The following PIGQ variants were observed in gnomAD, a reference collection of about 807,000 sequenced individuals.
PIGQ encodes phosphatidylinositol glycan anchor biosynthesis class Q.
Under a neutral mutation model 60.3 loss-of-function variants are expected in PIGQ, and 54 were observed. The ratio of observed to expected loss-of-function variants is 0.90; its 90% CI spans 0.72 to 1.12. The LOEUF is 1.12. PIGQ is among the 50% of genes most tolerant of loss of function. The probability of loss-of-function intolerance (pLI) is 0.00; values close to 1 mark genes in which losing one functional copy is unlikely to be tolerated. For missense variants in PIGQ, 799 were observed against 793.5 expected (o/e 1.01, Z -0.08); for synonymous variants, 416 against 363.7 (o/e 1.14, Z -1.64).
Position 579,143 on chromosome 16 carries a change from G to C in PIGQ, c.1298G>C (p.Arg433Pro), listed in dbSNP as rs368929328. 1 of 1,612,954 alleles carries C rather than the reference G, an allele frequency of 6.2e-7. No homozygotes were observed. The highest frequency in any genetic ancestry group is 1.1e-5 in the South Asian group (1 of 91,086). The change falls in exon 7 of 11, where the codon CGC becomes CCC. Residue 433 changes from arginine to proline, a missense_variant. Coordinates refer to ENST00000321878, the MANE Select transcript of PIGQ (RefSeq NM_004204.5). ...CGGGGGAAGAAGTGGAACGTTCTGC[G>C]CCAGCGCGTGGACTCCTGTTCCTAT... ...LFRGKKWNVLRQRVDSCSYDL... is the reference protein window; with the variant it reads ...LFRGKKWNVLPQRVDSCSYDL...
rs368848682 is a variant in PIGQ at position 576,005 on chromosome 16, G to A, written c.821+35G>A. 8 of 1,563,352 alleles carry A rather than the reference G, an allele frequency of 5.1e-6. No individual in the cohort carries two copies. In the African/African-American group the frequency reaches 8.1e-5, roughly 16 times the overall value. ...TGCCCTGGTCTCTGCAGGGCTGGGTGCGTGCCCTCTGGCCCCTTCTCCATC... is the reference window on the plus strand; with the variant it reads ...TGCCCTGGTCTCTGCAGGGCTGGGTACGTGCCCTCTGGCCCCTTCTCCATC... On this transcript the variant is annotated intron_variant, in intron 3 of 10. Transcript: ENST00000321878.
chr16:580,456 C>A (rs2035793334), intron 8 of PIGQ, 193 bp downstream of exon 8: 2 of 556,488 alleles, frequency 3.6e-6, no homozygotes. Context: ...AGTAAGACAC[C>A]CTCACTGCCC....
At chr16:572,924 G>A (rs956901226) in intron 1 of PIGQ, among the ~76,000 whole-genome samples, 1 of 152,242 alleles carries the variant, frequency 6.6e-6, no homozygotes, top group Non-Finnish European at 1.5e-5. Context: ...AGCGTGGGGG[G>A]TCTCTGCTCA....
chr16:582,079 G>A (rs572530899), intron 9 of PIGQ, 169 bp from the exon 10 acceptor site: 2 of 687,040 alleles, frequency 2.9e-6, no homozygotes, highest in African/African-American at 1.8e-5. Context: ...ATGCCGGCCT[G>A]GCAGCCAGCT....
At position 576,255 on chromosome 16, in the gene PIGQ, G is replaced by C. The variant is rs200661329; in HGVS notation, c.942+1G>C. 5.1e-6 allele frequency: 8 copies of C among 1,555,274 alleles called. No homozygotes were observed. The African/African-American group carries it at 9.5e-5, about 19-fold the overall frequency. On this transcript the variant is annotated splice_donor_variant, in intron 4 of 10. Transcript: ENST00000321878. LOFTEE classifies it high-confidence loss of function. The stretch of plus-strand genomic sequence containing the variant: ...CGACGCCCTCGTTCCTGTGGCTGAC[G>C]TGAGTGGACTGGGGTGGAGCCCGGT...
Position 575,940 on chromosome 16 carries a change from G to A in PIGQ, c.791G>A (p.Arg264Gln), listed in dbSNP as rs372383821. The change falls in exon 3 of 11, where the codon CGG becomes CAG. Residue 264 changes from arginine to glutamine, a missense_variant. By Grantham distance (43) the Arg-to-Gln change is conservative. Coordinates refer to ENST00000321878, the MANE Select transcript of PIGQ (RefSeq NM_004204.5). ...LEHLTLIFSTRKAENPAQLMR... is the reference protein window; with the variant it reads ...LEHLTLIFSTQKAENPAQLMR... ...CACCTCACGCTAATCTTCAGTACAC[G>A]GAAGGCGGAGAACCCTGCCCAGCTG... 5.7e-6 allele frequency: 9 copies of A among 1,585,124 alleles called. No individual in the cohort carries two copies. The highest frequency in any genetic ancestry group is 4.0e-5 in the African/African-American group (3 of 74,538).
At chr16:580,728 G>T in intron 8 of PIGQ, 130 bp from the exon 9 acceptor site, 1 of 691,220 alleles carries the variant, frequency 1.4e-6, no homozygotes, top group Admixed American at 2.1e-5. Context: ...CCCTGCTCAG[G>T]GTGGGGTCCC....
At position 579,119 on chromosome 16, in the gene PIGQ, G is replaced by T. The variant is rs202031540; in HGVS notation, c.1274G>T (p.Arg425Leu). ...CTGTCCTCACTGTGGCGTCTGTTCC[G>T]GGGGAAGAAGTGGAACGTTCTGCGC... The part of the protein sequence containing the change: ...HGLSSLWRLF[R>L]GKKWNVLRQR... The change falls in exon 7 of 11, where the codon CGG becomes CTG. Residue 425 changes from arginine (R) to leucine (L), a missense_variant. By Grantham distance (102) the Arg-to-Leu change is moderately radical. Transcript: ENST00000321878. 3.5e-4 allele frequency: 568 copies of T among 1,612,870 alleles called. No individual in the cohort carries two copies. Among genetic ancestry groups the T allele is most frequent in the Non-Finnish European group, 2.2e-4 (256 of 1,179,794 alleles).
chr16:580,609 G>A (rs2035795049), intron 8 of PIGQ: 3 of 561,766 alleles, frequency 5.3e-6, no homozygotes, highest in Non-Finnish European at 9.6e-6. Context: ...CCCAGGCCTC[G>A]ATCCCCTCTG....
At position 582,230 on chromosome 16, in the gene PIGQ, C is replaced by T. The variant is rs754659656; in HGVS notation, c.1532-18C>T. The T allele has an allele frequency of 6.3e-6, 10 of 1,583,304 alleles. No individual in the cohort carries two copies. Among genetic ancestry groups the T allele is most frequent in the African/African-American group, 2.7e-5 (2 of 74,342 alleles). ...AGCCCCCACGCGTCCCCTCGTCAGC[C>T]GCTTGCTATCCTTGCAGCTGGCGTG... On this transcript the variant is annotated intron_variant, in intron 9 of 10. Transcript: ENST00000321878.
In PIGQ at chr16:582,284, G is replaced by C; in HGVS notation, c.1568G>C (p.Gly523Ala). The C allele has an allele frequency of 6.2e-7, 1 of 1,603,974 alleles. No individual in the cohort carries two copies. The highest frequency in any genetic ancestry group is 8.5e-7 in the Non-Finnish European group (1 of 1,174,438). Residue 523 changes from glycine (G) to alanine (A), a missense_variant, in exon 10 of 11, where the codon GGC (glycine) becomes GCC (alanine). Transcript: ENST00000321878. ...VKFRVLRHEA[G>A]RPLRLLMQIN... ...TTCCGTGTCCTCCGGCACGAGGCCG[G>C]CAGGCCCCTCCGCCTCCTGATGCAG... is the stretch of plus-strand genomic sequence containing the variant.
chr16:574,898 G>A (rs1298813667), intron 2 of PIGQ, 135 bp downstream of exon 2: 7 of 703,954 alleles, frequency 9.9e-6, no homozygotes, highest in African/African-American at 1.8e-5. Context: ...CTGCAGCCCG[G>A]GCTTTGGCCC....
Position 582,327 on chromosome 16 carries a change from C to T in PIGQ, c.1593+18C>T, listed in dbSNP as rs777142723. 1.9e-6 allele frequency: 3 copies of T among 1,575,970 alleles called. No homozygotes were observed. The highest frequency in any genetic ancestry group is 2.3e-5 in the South Asian group (2 of 87,460). On this transcript the variant is annotated intron_variant, in intron 10 of 10. Coordinates refer to ENST00000321878, the MANE Select transcript of PIGQ (RefSeq NM_004204.5). ...TGATGCAGGTGAGGCCCCTTGTGGC[C>T]AGGACGCCCCTACGCTGCTGCCCCT... is the stretch of plus-strand genomic sequence containing the variant.
At chr16:582,042 C>T (rs1432964405) in intron 9 of PIGQ, 1 of 655,482 alleles carries the variant, frequency 1.5e-6, no homozygotes. Flanking sequence ...AGGCGTGAGC[C>T]ACCGTGCCTG....
chr16:570,958 C>T (rs943112106), intron 1 of PIGQ, among the ~76,000 whole-genome samples: 1 of 152,222 alleles, frequency 6.6e-6, no homozygotes, highest in South Asian at 2.1e-4. Context: ...ACCTCCCTAC[C>T]TGCCTGGTCT....
At chr16:581,402 G>A (rs556043754) in intron 9 of PIGQ, 13 of 1,061,388 alleles carry the variant, frequency 1.2e-5, no homozygotes, top group East Asian at 1.8e-4. Context: ...GCCTGCGCCC[G>A]TCCCTCACTG....
In PIGQ at chr16:583,694, G is replaced by A. The variant is rs1363438434; in HGVS notation, c.*659G>A. ...TGCTGTGGGGGCGGGAGCAGCCTCA[G>A]TGTCAAGGGCCCGCCCACTGACCCA... is the stretch of plus-strand genomic sequence containing the variant. On this transcript the variant is annotated 3_prime_UTR_variant, in exon 11 of 11. Transcript: ENST00000321878. 2 of 1,578,316 alleles carry A rather than the reference G, an allele frequency of 1.3e-6. No homozygotes were observed. Among genetic ancestry groups the A allele is most frequent in the Admixed American group, 1.7e-5 (1 of 59,958 alleles).
Position 581,375 on chromosome 16 carries a change from G to C in PIGQ, c.1531+403G>C, listed in dbSNP as rs527719356. ...CCCGTCCGCTGTGCCGGAAAACCCCGTCCACTCAACAGCACAGCCTGCGCC... is the reference window on the plus strand; with the variant it reads ...CCCGTCCGCTGTGCCGGAAAACCCCCTCCACTCAACAGCACAGCCTGCGCC... On this transcript the variant is annotated intron_variant, in intron 9 of 10. Transcript: ENST00000321878. The C allele has an allele frequency of 1.0e-4, 120 of 1,178,496 alleles. No individual in the cohort carries two copies. The South Asian group carries it at 1.9e-3, about 19-fold the overall frequency. 73.0% of individuals were successfully genotyped at this position (1,178,496 alleles called of 1,614,324 possible). A position where few individuals can be genotyped will look rare whatever the true frequency, so the allele number is the denominator to read the frequency against.
chr16:572,375 G>A (rs1047800422), intron 1 of PIGQ: 11 of 391,270 alleles, frequency 2.8e-5, no homozygotes, highest in African/African-American at 1.2e-4. Context: ...AGAACCCACC[G>A]CCTTGAGTGA....
Sources: gnomAD v4.1 joint callset for allele counts (sites outside exome capture counted in the v4.1 genomes callset) on GRCh38, gnomAD v4.1.1 for gene constraint, MANE v1.5 for transcripts, NCBI Gene and HGNC (gene_info 2026-07-23, HGNC 2026-07-21) for gene names.